PCLO: variants seen among roughly 807,000 people sequenced by gnomAD.
The protein encoded by PCLO is protein piccolo.
PCLO carries 82 observed loss-of-function variants against 427.5 expected under a neutral mutation model. The observed-to-expected ratio is 0.19, with a 90% CI of 0.16 to 0.23. The LOEUF is 0.23. PCLO is among the 10% of genes least tolerant of loss of function. PCLO has a pLI of 1.00. For synonymous variants in PCLO, 2,357 were observed against 2,155.4 expected, an observed-to-expected ratio of 1.09 and a Z score of -2.59; for missense variants, 6,239 against 6,115.9, an observed-to-expected ratio of 1.02 and a Z score of -0.67.
In PCLO at chr7:82,952,060, C is replaced by T. The variant is rs377122356; in HGVS notation, c.8893G>A (p.Asp2965Asn). 2.5e-6 allele frequency: 4 copies of T among 1,613,830 alleles called. No homozygotes were observed. The African/African-American group carries it at 5.3e-5, about 22-fold the overall frequency. Reference sequence around the variant, plus strand: ...TGGTCATCCCTATAACCAAAACGATCCTCAGGAAGAGTAGTTGCAGGCTGC... The same window carrying T: ...TGGTCATCCCTATAACCAAAACGATTCTCAGGAAGAGTAGTTGCAGGCTGC... ...AQQPATTLPE[D>N]RFGYRDDHYQ... The change falls in exon 5 of 25, where the codon GAT (aspartate) becomes AAT (asparagine). Residue 2965 changes from aspartate to asparagine, a missense_variant. Coordinates refer to ENST00000333891, the MANE Select transcript of PCLO (RefSeq NM_033026.6).
Position 82,952,565 on chromosome 7 carries a change from G to A in PCLO, c.8388C>T (p.Thr2796=), listed in dbSNP as rs759163988. 14 of 1,613,896 alleles carry A rather than the reference G, an allele frequency of 8.7e-6. No individual in the cohort carries two copies. The highest frequency in any genetic ancestry group is 1.2e-5 in the Non-Finnish European group (14 of 1,179,848). ...TTGCACTAGCTGTGCATGTGACAAA[G>A]GTCACTGTCTCAGTGGCCAGAGATA... The part of the protein sequence containing the change: ...TPVSLATETV[T]FVTCTASASY... The change falls in exon 5 of 25, where the codon ACC becomes ACT. Residue 2796 remains threonine, a synonymous_variant. Transcript: ENST00000333891.
At chr7:82,908,315 C>T (rs1184837587) in intron 8 of PCLO, among the ~76,000 whole-genome samples, 1 of 152,070 alleles carries the variant, frequency 6.6e-6, no homozygotes, top group Non-Finnish European at 1.5e-5. Context: ...ATTTCTTCCT[C>T]TATAAGAATA....
rs368012865 is a variant in PCLO, at chr7:82,915,836, G to T, written c.12150C>A (p.Asp4050Glu). 6.2e-7 allele frequency: 1 copy of T among 1,613,270 alleles called. No individual in the cohort carries two copies. Among genetic ancestry groups the T allele is most frequent in the Non-Finnish European group, 8.5e-7 (1 of 1,179,696 alleles). Residue 4050 changes from aspartate (D) to glutamate (E), a missense_variant, in exon 7 of 25, where the codon GAC (aspartate) becomes GAA (glutamate). This residue lies in a region of PCLO where 680 missense variants were observed against 677.3 expected (regional missense o/e 1.00). Transcript: ENST00000333891. ...TTCCTTTGGTGATCTCTCCAATGTC[G>T]TCAATTAGGACATAATTTCGTGGAG... is the stretch of plus-strand genomic sequence containing the variant. ...HHTPRNYVLI[D>E]DIGEITKGTA...
chr7:83,079,441 GGGA>G (rs1246743164), intron 3 of PCLO, among the ~76,000 whole-genome samples: 1 of 150,374 alleles, frequency 6.7e-6, no homozygotes, highest in Non-Finnish European at 1.5e-5. Context: ...ACCATTGAGG[GGGA>G]GGAGAAGGAA....
chr7:82,780,687 T>C (rs1256505089), intron 22 of PCLO, among the ~76,000 whole-genome samples: 3 of 152,210 alleles, frequency 2.0e-5, no homozygotes, highest in Non-Finnish European at 4.4e-5. Context: ...GGCTTATTTG[T>C]TCTTATTCTC....
chr7:82,847,484 T>C (rs1792534213), intron 10 of PCLO, among the ~76,000 whole-genome samples: 1 of 152,088 alleles, frequency 6.6e-6, no homozygotes, highest in Non-Finnish European at 1.5e-5. Flanking sequence ...CTTTTGAAAA[T>C]CTGTGTAATA....
chr7:82,782,959 C>G (rs1790905123), intron 22 of PCLO, among the ~76,000 whole-genome samples: 1 of 152,142 alleles, frequency 6.6e-6, no homozygotes, highest in Admixed American at 6.6e-5. Flanking sequence ...GATGTTTGTT[C>G]CAGGTAAGTG....
At chr7:82,871,525 T>C (rs1470333379) in intron 10 of PCLO, among the ~76,000 whole-genome samples, 1 of 151,866 alleles carries the variant, frequency 6.6e-6, no homozygotes, top group Non-Finnish European at 1.5e-5. Context: ...GAATAACTTC[T>C]AGAGTTTGAT....
At chr7:82,914,457 A>T (rs2116257685) in intron 7 of PCLO, 1 of 609,440 alleles carries the variant, frequency 1.6e-6, no homozygotes, top group African/African-American at 1.8e-5. Context: ...CAAGCAAACA[A>T]TCAAGAAACA....
Position 83,155,456 on chromosome 7 carries a change from A to C in PCLO, c.1185T>G (p.Pro395=). ...QPGPKALAQP[P]GVGKTPAQQP... ...GTTGAGCTGGAGTCTTTCCAACTCC[A>C]GGAGGCTGAGCTAAAGCCTTTGGCC... Residue 395 remains proline, a synonymous_variant, in exon 2 of 25, where the codon CCT becomes CCG. Transcript: ENST00000333891. The C allele has an allele frequency of 6.2e-7, 1 of 1,610,536 alleles. No individual in the cohort carries two copies. The highest frequency in any genetic ancestry group is 1.1e-5 in the South Asian group (1 of 90,850).
At chr7:82,926,429 T>C (rs1047348602) in intron 6 of PCLO, among the ~76,000 whole-genome samples, 3 of 152,062 alleles carry the variant, frequency 2.0e-5, no homozygotes, top group African/African-American at 4.8e-5. Flanking sequence ...TGGCAAAAAA[T>C]GTGAGAAACT....
intron 6 of PCLO, among the ~76,000 whole-genome samples, chr7:82,922,477 T>C (rs1040766854): frequency 6.6e-6 from 1 of 152,078 alleles, no homozygotes; most frequent in Non-Finnish European, 1.5e-5. Flanking sequence ...CTAAGTGAAT[T>C]AATACAGGAA....
intron 9 of PCLO, among the ~76,000 whole-genome samples, chr7:82,901,197 G>A (rs1167733470): frequency 1.3e-5 from 2 of 151,778 alleles, no homozygotes; most frequent in Non-Finnish European, 2.9e-5. Flanking sequence ...TAATGATCAT[G>A]TCATCAATGT....
At chr7:83,132,864 T>C (rs1791608467) in intron 3 of PCLO, among the ~76,000 whole-genome samples, 1 of 152,028 alleles carries the variant, frequency 6.6e-6, no homozygotes, top group Non-Finnish European at 1.5e-5. Flanking sequence ...CTCTCATGAA[T>C]TGACAACCAA....
chr7:83,150,401 A>G (rs1401131595), intron 2 of PCLO, among the ~76,000 whole-genome samples: 1 of 152,178 alleles, frequency 6.6e-6, no homozygotes, highest in Non-Finnish European at 1.5e-5. Flanking sequence ...TGGATTCTTA[A>G]GGTTTGTTTG....
intron 3 of PCLO, among the ~76,000 whole-genome samples, chr7:83,070,418 C>T (rs1345859892): frequency 1.4e-5 from 2 of 146,548 alleles, no homozygotes; most frequent in Non-Finnish European, 3.0e-5. Flanking sequence ...GACCAAGTCT[C>T]GCTCTGTCAC....
intron 6 of PCLO, among the ~76,000 whole-genome samples, chr7:82,920,618 GT>G (rs1397003700): frequency 6.6e-6 from 1 of 151,750 alleles, no homozygotes; most frequent in Admixed American, 6.6e-5. Context: ...AAGGTTTGCT[GT>G]CCAAAGTAAT....
chr7:83,155,788 G>C lies in PCLO; in HGVS notation c.853C>G (p.Gln285Glu). Residue 285 changes from glutamine (Q) to glutamate (E), a missense_variant, in exon 2 of 25, where the codon CAG (glutamine) becomes GAG (glutamate). This residue lies in a region of PCLO where 4,677 missense variants were observed against 4,468.4 expected (regional missense o/e 1.05). Transcript: ENST00000333891. ...QRDASRPQTK[Q>E]ADIVRGESVK... is the part of the protein sequence containing the mutation. Reference sequence around the variant, plus strand: ...GATTCTCCCCTTACTATGTCTGCCTGTTTAGTCTGAGGCCTGGATGCATCT... The same window carrying C: ...GATTCTCCCCTTACTATGTCTGCCTCTTTAGTCTGAGGCCTGGATGCATCT... 6.2e-7 allele frequency: 1 copy of C among 1,613,906 alleles called. No individual in the cohort carries two copies. The highest frequency in any genetic ancestry group is 8.5e-7 in the Non-Finnish European group (1 of 1,179,848).
At chr7:82,901,560 C>T (rs7788324) in intron 9 of PCLO, among the ~76,000 whole-genome samples, 1 of 151,842 alleles carries the variant, frequency 6.6e-6, no homozygotes, top group Non-Finnish European at 1.5e-5. Flanking sequence ...GCAACAAAAG[C>T]CAAAATTGAC....
Sources: allele counts gnomAD v4.1 joint callset (sites outside exome capture counted in the v4.1 genomes callset), GRCh38; gene constraint gnomAD v4.1.1; regional missense constraint gnomAD v4.1.1; transcripts MANE v1.5; gene names NCBI Gene and HGNC (gene_info 2026-07-23, HGNC 2026-07-21).